Variants in CEP135 observed in about 807,000 individuals in gnomAD.
CEP135 encodes the protein centrosomal protein of 135 kDa.
CEP135 carries 142 observed loss-of-function variants against 157.3 expected under a neutral mutation model. That is an observed-to-expected ratio of 0.90 (90% CI 0.79 to 1.04). The LOEUF (loss-of-function observed/expected upper bound fraction) is 1.04. Ranked by LOEUF, CEP135 falls within the 50% of genes least tolerant of loss-of-function variation. The pLI is 0.00. For missense variants in CEP135, 1,317 were observed against 1,309.2 expected (o/e 1.01, Z -0.09); for synonymous variants, 396 against 439.8 (o/e 0.90, Z 1.25).
In CEP135 at chr4:56,020,776, G is replaced by A. The variant is rs145519211; in HGVS notation, c.3316G>A (p.Glu1106Lys). Residue 1106 changes from glutamate (E) to lysine (K), a missense_variant, in exon 24 of 26, where the codon GAA becomes AAA. Physicochemically the swap from Glu to Lys is moderately conservative, Grantham distance 56 (BLOSUM62 1). Coordinates refer to ENST00000257287, the MANE Select transcript of CEP135 (RefSeq NM_025009.5). ...AAGGCAGATCTCAACTGAAAGATACGAACGGTAAGACAAATTTTTTTTACA... is the reference window on the plus strand; with the variant it reads ...AAGGCAGATCTCAACTGAAAGATACAAACGGTAAGACAAATTTTTTTTACA... Reference protein sequence around the residue: ...LKRQISTERYERERAIQEMRR... With the variant: ...LKRQISTERYKRERAIQEMRR... The A allele has an allele frequency of 1.1e-5, 18 of 1,610,044 alleles. No homozygotes were observed. The Admixed American group carries it at 1.3e-4, about 12-fold the overall frequency.
Position 55,974,911 on chromosome 4 carries a change from C to G in CEP135, c.1415C>G (p.Ser472Cys). Residue 472 changes from serine to cysteine, a missense_variant, in exon 11 of 26, where the codon TCT (serine) becomes TGT (cysteine). Physicochemically the swap from Ser to Cys is moderately radical, Grantham distance 112 (BLOSUM62 -1). Coordinates refer to ENST00000257287, the MANE Select transcript of CEP135 (RefSeq NM_025009.5). ...CTCCAACATATAATACAGCGAAGAT[C>G]TTGCTCTACAAGTTATAGCGCACGT... ...ERLQHIIQRRSCSTSYSAREK... is the reference protein window; with the variant it reads ...ERLQHIIQRRCCSTSYSAREK... The G allele has an allele frequency of 2.5e-6, 4 of 1,613,104 alleles. No homozygotes were observed. The highest frequency in any genetic ancestry group is 3.4e-6 in the Non-Finnish European group (4 of 1,179,512).
At chr4:56,008,285 C>T in intron 17 of CEP135, 42 bp from the exon 18 acceptor site, 1 of 1,398,948 alleles carries the variant, frequency 7.1e-7, no homozygotes, top group Non-Finnish European at 1.0e-6. Flanking sequence ...TAGCTAAAGA[C>T]ATTTTGGTTT....
At chr4:55,990,819 C>A (rs887796061) in intron 14 of CEP135, among the ~76,000 whole-genome samples, 8 of 152,202 alleles carry the variant, frequency 5.3e-5, no homozygotes, top group Non-Finnish European at 1.2e-4. Context: ...CCATAACGCC[C>A]AGCCCCCTAC....
intron 21 of CEP135, among the ~76,000 whole-genome samples, chr4:56,013,137 G>A (rs1440109856): frequency 6.6e-6 from 1 of 152,098 alleles, no homozygotes; most frequent in Non-Finnish European, 1.5e-5. Context: ...TTTCCTTAAT[G>A]GTTAGTGATG....
chr4:55,979,044 A>G (rs1729314792), intron 11 of CEP135, among the ~76,000 whole-genome samples: 1 of 152,208 alleles, frequency 6.6e-6, no homozygotes, highest in Non-Finnish European at 1.5e-5. Context: ...AGTGCAGGTG[A>G]GAGGTACCTC....
chr4:55,952,955 G>T, intron 2 of CEP135, 130 bp from the exon 3 acceptor site: 1 of 698,426 alleles, frequency 1.4e-6, no homozygotes. Flanking sequence ...CTTCCTATAT[G>T]TGGTCTGTCG....
At position 55,999,331 on chromosome 4, in the gene CEP135, T is replaced by C; in HGVS notation, c.2039T>C (p.Val680Ala). 6.2e-7 allele frequency: 1 copy of C among 1,614,178 alleles called. No homozygotes were observed. The highest frequency in any genetic ancestry group is 8.5e-7 in the Non-Finnish European group (1 of 1,180,010). ...RIVNEQLQRS[V>A]DDYQHRLSIK... Reference sequence around the variant, plus strand: ...GTGAATGAGCAGCTACAGCGGTCAGTTGATGACTATCAGCACCGACTTTCC... The same window carrying C: ...GTGAATGAGCAGCTACAGCGGTCAGCTGATGACTATCAGCACCGACTTTCC... Residue 680 changes from valine (V) to alanine (A), a missense_variant, in exon 16 of 26, where the codon GTT (valine) becomes GCT (alanine). Transcript: ENST00000257287.
intron 24 of CEP135, among the ~76,000 whole-genome samples, chr4:56,023,255 A>G (rs1731027618): frequency 6.6e-6 from 1 of 151,824 alleles, no homozygotes; most frequent in Non-Finnish European, 1.5e-5. Flanking sequence ...AACCCTAGCT[A>G]TGGGGAACAT....
intron 25 of CEP135, among the ~76,000 whole-genome samples, chr4:56,025,950 T>C (rs1731145281): frequency 6.7e-6 from 1 of 150,138 alleles, no homozygotes; most frequent in East Asian, 1.9e-4. Flanking sequence ...CTCACACCTC[T>C]GTAATCCCAG....
At chr4:55,957,706 A>G (rs1728550476) in intron 5 of CEP135, among the ~76,000 whole-genome samples, 1 of 152,216 alleles carries the variant, frequency 6.6e-6, no homozygotes, top group Admixed American at 6.5e-5. Flanking sequence ...ATTTGTGTCA[A>G]ATGTCAGTTA....
chr4:55,980,621 A>G (rs568842319), intron 12 of CEP135, among the ~76,000 whole-genome samples: 22 of 152,316 alleles, frequency 1.4e-4, no homozygotes, highest in African/African-American at 5.1e-4. Context: ...GGAAATGTCT[A>G]TCAAAACAGT....
chr4:56,009,956 A>G, intron 19 of CEP135, 53 bp downstream of exon 19: 2 of 1,510,252 alleles, frequency 1.3e-6, no homozygotes, highest in South Asian at 1.2e-5. Context: ...ATTGTTTGCT[A>G]AATATTAAAG....
chr4:56,008,995 C>T (rs1420408192), intron 18 of CEP135, among the ~76,000 whole-genome samples: 2 of 152,128 alleles, frequency 1.3e-5, no homozygotes, highest in African/African-American at 2.4e-5. Flanking sequence ...CCTCCCCAGG[C>T]TCAGGTGATC....
intron 15 of CEP135, among the ~76,000 whole-genome samples, chr4:55,993,438 A>G (rs1342501857): frequency 1.3e-5 from 2 of 152,228 alleles, no homozygotes; most frequent in African/African-American, 4.8e-5. Flanking sequence ...CGACTCATAA[A>G]GAGCATCTCC....
At chr4:56,023,723 A>G (rs1251426123) in intron 24 of CEP135, among the ~76,000 whole-genome samples, 1 of 143,164 alleles carries the variant, frequency 7.0e-6, no homozygotes, top group Non-Finnish European at 1.5e-5. Flanking sequence ...TATATGTAAT[A>G]TATATTGTAT....
chr4:55,988,655 G>C (rs1236992431), intron 14 of CEP135, among the ~76,000 whole-genome samples: 8 of 144,330 alleles, frequency 5.5e-5, no homozygotes, highest in African/African-American at 2.1e-4. Context: ...GCAAGACTCC[G>C]TCTCAGAAAA....
At chr4:56,020,363 T>C (rs984088248) in intron 23 of CEP135, among the ~76,000 whole-genome samples, 5 of 152,190 alleles carry the variant, frequency 3.3e-5, no homozygotes, top group Non-Finnish European at 5.9e-5. Context: ...ATTAAAAATA[T>C]TAATATTTCT....
chr4:55,976,838 A>G (rs1041196085), intron 11 of CEP135, among the ~76,000 whole-genome samples: 1 of 152,078 alleles, frequency 6.6e-6, no homozygotes, highest in Non-Finnish European at 1.5e-5. Flanking sequence ...GAGACAGGAT[A>G]TGGCTCTGTC....
chr4:55,952,220 A>G lies in CEP135; in HGVS notation c.90A>G (p.Leu30=), dbSNP rs1179299189. ...GYRQTLTVEC[L]PLVEKLFSDL... ...GCCAGACTCTGACAGTGGAGTGTTT[A>G]CCTTTGGTAGAAAAACTTTTCAGGT... The change falls in exon 2 of 26, where the codon TTA becomes TTG. Residue 30 remains leucine, a synonymous_variant. Coordinates refer to ENST00000257287, the MANE Select transcript of CEP135 (RefSeq NM_025009.5). 6.2e-7 allele frequency: 1 copy of G among 1,611,878 alleles called. No individual in the cohort carries two copies. The highest frequency in any genetic ancestry group is 1.3e-5 in the African/African-American group (1 of 74,894).
Sources: gnomAD v4.1 joint callset for allele counts (sites outside exome capture counted in the v4.1 genomes callset) on GRCh38, gnomAD v4.1.1 for gene constraint, MANE v1.5 for transcripts, NCBI Gene and HGNC (gene_info 2026-07-23, HGNC 2026-07-21) for gene names.